SCAI: variants seen among roughly 807,000 people sequenced by gnomAD.
The protein encoded by SCAI is protein SCAI.
A neutral mutation model predicts 92.2 loss-of-function variants in SCAI; 24 were observed. That is an observed-to-expected ratio of 0.26 (90% CI 0.19 to 0.37). The LOEUF is 0.37. Among genes scored for constraint, SCAI ranks in the 10% least tolerant of loss-of-function variants. The pLI is 1.00. For synonymous variants in SCAI, 261 were observed against 258.6 expected, an observed-to-expected ratio of 1.01 and a Z score of -0.09; for missense variants, 450 against 736.2, an observed-to-expected ratio of 0.61 and a Z score of 4.50.
intron 14 of SCAI, among the ~76,000 whole-genome samples, chr9:124,989,819 G>T (rs1267166732): frequency 1.3e-5 from 2 of 148,384 alleles, no homozygotes; most frequent in Non-Finnish European, 3.0e-5. Context: ...GGGAGCAGAG[G>T]CTGCAGTGAG....
In SCAI at chr9:125,019,097, A is replaced by C; in HGVS notation, c.708+10T>G. On this transcript the variant is annotated intron_variant, in intron 8 of 17. Coordinates refer to ENST00000336505, the MANE Select transcript of SCAI (RefSeq NM_001144877.3). ...ATCAATAATTATGATTTTTCTTATC[A>C]AAAACTGACCTCAATGAAAGCTGCT... is the stretch of plus-strand genomic sequence containing the variant. 6.3e-7 allele frequency: 1 copy of C among 1,587,026 alleles called. No homozygotes were observed. The highest frequency in any genetic ancestry group is 8.6e-7 in the Non-Finnish European group (1 of 1,163,170).
chr9:125,124,300 TA>T (rs1461833623), intron 2 of SCAI, among the ~76,000 whole-genome samples: 1 of 152,118 alleles, frequency 6.6e-6, no homozygotes, highest in African/African-American at 2.4e-5. Flanking sequence ...TATATATATT[TA>T]AAAAGATATT....
chr9:125,094,908 A>G (rs1834513628), intron 2 of SCAI, among the ~76,000 whole-genome samples: 1 of 152,244 alleles, frequency 6.6e-6, no homozygotes. Context: ...ATAGTTACAC[A>G]AGAAACTACT....
chr9:124,980,306 C>T (rs1376786178), intron 14 of SCAI, among the ~76,000 whole-genome samples: 2 of 147,396 alleles, frequency 1.4e-5, no homozygotes, highest in African/African-American at 5.0e-5. Context: ...AACTTCTCTC[C>T]TGACTTTTTT....
At chr9:125,051,144 T>A (rs1459854389) in intron 3 of SCAI, among the ~76,000 whole-genome samples, 1 of 152,114 alleles carries the variant, frequency 6.6e-6, no homozygotes, top group Non-Finnish European at 1.5e-5. Context: ...TGTCTCAGCC[T>A]CCCGAGTAGC....
chr9:125,130,157 C>G (rs548904033), intron 2 of SCAI, among the ~76,000 whole-genome samples: 1 of 152,290 alleles, frequency 6.6e-6, no homozygotes, highest in South Asian at 2.1e-4. Context: ...CCTCGGCCTT[C>G]CAAAGTGCTG....
At chr9:125,105,111 C>G (rs1834751164) in intron 2 of SCAI, among the ~76,000 whole-genome samples, 1 of 151,998 alleles carries the variant, frequency 6.6e-6, no homozygotes, top group African/African-American at 2.4e-5. Context: ...CCAAAGCCAT[C>G]ATGTACCTCT....
At chr9:125,128,663 G>T (rs1835329464) in intron 2 of SCAI, among the ~76,000 whole-genome samples, 1 of 151,730 alleles carries the variant, frequency 6.6e-6, no homozygotes, top group Admixed American at 6.6e-5. Flanking sequence ...TGAGGCAGGA[G>T]AATAGCATGA....
chr9:125,135,771 A>T (rs1442217178), intron 2 of SCAI, among the ~76,000 whole-genome samples: 1 of 152,174 alleles, frequency 6.6e-6, no homozygotes, highest in Non-Finnish European at 1.5e-5. Context: ...GGAATTCAAG[A>T]CCAGCCTAAC....
intron 6 of SCAI, among the ~76,000 whole-genome samples, chr9:125,023,540 G>A (rs360198): frequency 0.21 from 32,315 of 152,024 alleles, 3,597 homozygotes; most frequent in African/African-American, 0.27. Flanking sequence ...CTATGAATCT[G>A]TATCATGGAT....
chr9:124,994,471 T>TGA (rs1253564913), intron 14 of SCAI, among the ~76,000 whole-genome samples: 1 of 152,186 alleles, frequency 6.6e-6, no homozygotes, highest in Non-Finnish European at 1.5e-5. Flanking sequence ...TGTCACAAAT[T>TGA]TTCAAAAAAT....
Position 125,002,038 on chromosome 9 carries a change from C to T in SCAI, c.1071G>A (p.Leu357=). 2 of 1,611,446 alleles carry T rather than the reference C, an allele frequency of 1.2e-6. No individual in the cohort carries two copies. The highest frequency in any genetic ancestry group is 2.2e-5 in the South Asian group (2 of 91,036). ...AAATCAGAAGCACGCTATTGGCAGGCAGCTCCTGAAATGAAAGAAAATCAC... is the reference window on the plus strand; with the variant it reads ...AAATCAGAAGCACGCTATTGGCAGGTAGCTCCTGAAATGAAAGAAAATCAC... ...YTFLAASFKE[L]PANSVLLIYL... Residue 357 remains leucine, a synonymous_variant, in exon 12 of 18, where the codon CTG becomes CTA. Coordinates refer to ENST00000336505, the MANE Select transcript of SCAI (RefSeq NM_001144877.3).
At chr9:125,012,608 T>G (rs1490149669) in intron 9 of SCAI, among the ~76,000 whole-genome samples, 2 of 152,068 alleles carry the variant, frequency 1.3e-5, no homozygotes, top group Middle Eastern at 3.4e-3. Context: ...CTGTCAACAT[T>G]AGACAGATCA....
At chr9:125,037,007 G>A (rs1833210670) in intron 3 of SCAI, among the ~76,000 whole-genome samples, 1 of 152,054 alleles carries the variant, frequency 6.6e-6, no homozygotes, top group African/African-American at 2.4e-5. Flanking sequence ...AGTGGCTCAC[G>A]CCTGTAATCC....
chr9:124,970,170 A>AT (rs1831628585), intron 17 of SCAI, among the ~76,000 whole-genome samples: 1 of 152,150 alleles, frequency 6.6e-6, no homozygotes, highest in Non-Finnish European at 1.5e-5. Flanking sequence ...TTATATAATA[A>AT]TAAAAACTTG....
At chr9:124,954,676 T>C (rs762150267) in intron 17 of SCAI, among the ~76,000 whole-genome samples, 3 of 152,176 alleles carry the variant, frequency 2.0e-5, no homozygotes, top group Non-Finnish European at 4.4e-5. Context: ...ATCCAGAAAG[T>C]TGTTTAACTA....
chr9:124,985,908 T>C (rs1831981259), intron 14 of SCAI, among the ~76,000 whole-genome samples: 1 of 149,850 alleles, frequency 6.7e-6, no homozygotes, highest in Admixed American at 6.7e-5. Context: ...TATATGATTA[T>C]AGAAAATATC....
intron 2 of SCAI, among the ~76,000 whole-genome samples, chr9:125,130,317 GA>G (rs2131263793): frequency 6.6e-6 from 1 of 152,218 alleles, no homozygotes; most frequent in African/African-American, 2.4e-5. Context: ...TCAGACTGTG[GA>G]AAAACTGGTC....
At chr9:125,099,619 T>C (rs1014932872) in intron 2 of SCAI, among the ~76,000 whole-genome samples, 4 of 152,198 alleles carry the variant, frequency 2.6e-5, no homozygotes, top group African/African-American at 9.7e-5. Flanking sequence ...AAGCAAAACA[T>C]AAGAATTATC....
Sources: allele counts gnomAD v4.1 joint callset (sites outside exome capture counted in the v4.1 genomes callset), GRCh38; gene constraint gnomAD v4.1.1; transcripts MANE v1.5; gene names NCBI Gene and HGNC (gene_info 2026-07-23, HGNC 2026-07-21).